The following HSD17B4 variants were observed in gnomAD, a reference collection of about 807,000 sequenced individuals.
HSD17B4 encodes hydroxysteroid 17-beta dehydrogenase 4, also known as peroxisomal multifunctional enzyme type 2.
HSD17B4 carries 70 observed loss-of-function variants against 101.0 expected under a neutral mutation model. The ratio of observed to expected loss-of-function variants is 0.69; its 90% CI spans 0.57 to 0.85. The LOEUF (loss-of-function observed/expected upper bound fraction) is 0.85. HSD17B4 is among the 40% of genes least tolerant of loss of function. HSD17B4 has a pLI of 0.00. For missense variants in HSD17B4, 984 were observed against 892.4 expected, an observed-to-expected ratio of 1.10 and a Z score of -1.31; for synonymous variants, 347 against 297.1, an observed-to-expected ratio of 1.17 and a Z score of -1.73.
At chr5:119,498,272 G>A (rs532456968) in intron 12 of HSD17B4, among the ~76,000 whole-genome samples, 12 of 152,154 alleles carry the variant, frequency 7.9e-5, no homozygotes, top group Non-Finnish European at 1.5e-4. Context: ...CAAAATAAGG[G>A]TTGGCAAACC....
intron 2 of HSD17B4, chr5:119,456,718 A>T: frequency 3.6e-6 from 1 of 281,332 alleles, no homozygotes; most frequent in Non-Finnish European, 6.8e-6. Context: ...CTGCACTCCA[A>T]TCTGGGTGAT....
At chr5:119,465,803 G>A (rs922930241) in intron 2 of HSD17B4, among the ~76,000 whole-genome samples, 1 of 152,208 alleles carries the variant, frequency 6.6e-6, no homozygotes, top group Non-Finnish European at 1.5e-5. Context: ...TTTTAATTTG[G>A]ATGCCCTTTG....
chr5:119,503,661 T>C (rs1458588483), intron 14 of HSD17B4, among the ~76,000 whole-genome samples: 1 of 151,834 alleles, frequency 6.6e-6, no homozygotes, highest in Non-Finnish European at 1.5e-5. Context: ...AGTGGTAGTG[T>C]CATAGGCTGA....
At chr5:119,466,806 A>C (rs2126654502) in intron 2 of HSD17B4, among the ~76,000 whole-genome samples, 1 of 151,782 alleles carries the variant, frequency 6.6e-6, no homozygotes, top group Non-Finnish European at 1.5e-5. Context: ...GATCTTTATT[A>C]ATTCTATCTA....
chr5:119,515,703 T>G (rs1345384017), intron 17 of HSD17B4, among the ~76,000 whole-genome samples: 1 of 152,206 alleles, frequency 6.6e-6, no homozygotes, highest in Non-Finnish European at 1.5e-5. Flanking sequence ...TTCTCTAAGA[T>G]GGCTAGTAGA....
In HSD17B4 at chr5:119,523,428, A is replaced by G. The variant is rs900819364; in HGVS notation, c.1504-1788A>G. Among the ~76,000 whole-genome samples, 4 of 152,180 alleles carry G rather than the reference A, an allele frequency of 2.6e-5. No homozygotes were observed. The East Asian group carries it at 5.8e-4, about 22-fold the overall frequency. On this transcript the variant is annotated intron_variant, in intron 17 of 23. Coordinates refer to ENST00000510025, the MANE Select transcript of HSD17B4 (RefSeq NM_000414.4). ...CTGAAATATGCCATTTCTTCAAAAT[A>G]CGTAGAAGATAAGCTTTGGCAGTGG...
chr5:119,455,542 T>G (rs1243568334), intron 1 of HSD17B4, among the ~76,000 whole-genome samples: 1 of 139,332 alleles, frequency 7.2e-6, no homozygotes. Context: ...AAGCAAAACT[T>G]TCTCTCTCTC....
In HSD17B4 at chr5:119,462,248, A is replaced by ATTTTTTTTTTTTTTTTT. The variant is rs10524491; in HGVS notation, c.112+5899_112+5915dup. ...TTCATATCCTCCCCCAACAAATGTG[A>ATTTTTTTTTTTTTTTTT]TTTTTTTTTTTTTTTTTTTTTTTTT... On this transcript the variant is annotated intron_variant, in intron 2 of 23. Transcript: ENST00000510025. 1.0e-4 allele frequency among the ~76,000 whole-genome samples: 3 copies of ATTTTTTTTTTTTTTTTT among 30,040 alleles called. 1 individual carries two copies. The highest frequency in any genetic ancestry group is 2.4e-4 in the Non-Finnish European group (3 of 12,652). 19.7% of individuals were successfully genotyped at this position (30,040 alleles called of 152,430 possible). A position where few individuals can be genotyped will look rare whatever the true frequency, so the allele number is the denominator to read the frequency against.
In HSD17B4 at chr5:119,529,899, A is replaced by G. The variant is rs752533944; in HGVS notation, c.1773A>G (p.Gln591=). The G allele has an allele frequency of 2.5e-6, 4 of 1,597,152 alleles. No individual in the cohort carries two copies. The highest frequency in any genetic ancestry group is 1.3e-5 in the African/African-American group (1 of 74,612). ...TTTTTTCTTCTCCTCCTAAGGTCCAAGAAACTGGAGACATTGTCATTTCAA... is the reference window on the plus strand; with the variant it reads ...TTTTTTCTTCTCCTCCTAAGGTCCAGGAAACTGGAGACATTGTCATTTCAA... ...GNRIHFQTKV[Q]ETGDIVISNA... Residue 591 remains glutamine (Q), a synonymous_variant, in exon 21 of 24, where the codon CAA becomes CAG. Coordinates refer to ENST00000510025, the MANE Select transcript of HSD17B4 (RefSeq NM_000414.4).
At chr5:119,537,076 A>G (rs1754603865) in intron 23 of HSD17B4, among the ~76,000 whole-genome samples, 1 of 152,156 alleles carries the variant, frequency 6.6e-6, no homozygotes, top group Non-Finnish European at 1.5e-5. Flanking sequence ...ATGGAGGAGA[A>G]AAATTTGTTA....
chr5:119,533,766 C>T (rs535215974), intron 22 of HSD17B4, among the ~76,000 whole-genome samples: 10 of 152,098 alleles, frequency 6.6e-5, no homozygotes, highest in South Asian at 6.2e-4. Context: ...GAACCAAGAA[C>T]GTTGGCTTCA....
intron 2 of HSD17B4, among the ~76,000 whole-genome samples, chr5:119,473,225 A>C (rs1748170730): frequency 6.7e-6 from 1 of 148,676 alleles, no homozygotes; most frequent in Admixed American, 6.7e-5. Flanking sequence ...TTTAATCTTA[A>C]AGCGATTTTC....
intron 22 of HSD17B4, 69 bp downstream of exon 22, chr5:119,531,473 T>A (rs1580712004): frequency 6.8e-7 from 1 of 1,470,864 alleles, no homozygotes; most frequent in East Asian, 2.4e-5. Context: ...TTTTTAACAA[T>A]TAAAGACCTT....
intron 12 of HSD17B4, among the ~76,000 whole-genome samples, chr5:119,498,114 A>G (rs1750817015): frequency 6.6e-6 from 1 of 152,236 alleles, no homozygotes; most frequent in Non-Finnish European, 1.5e-5. Context: ...TTCTTAAAAA[A>G]ACTGTACTGG....
At chr5:119,460,911 A>C (rs916847817) in intron 2 of HSD17B4, among the ~76,000 whole-genome samples, 4 of 152,212 alleles carry the variant, frequency 2.6e-5, no homozygotes, top group Non-Finnish European at 4.4e-5. Flanking sequence ...CTGGCAGAAG[A>C]AGCAGCTGAA....
At chr5:119,487,390 C>T (rs1156609047) in intron 8 of HSD17B4, 1 of 151,788 alleles carries the variant, frequency 6.6e-6, no homozygotes, top group Non-Finnish European at 1.5e-5. Context: ...GTGGAAGAAA[C>T]ACTGGGTTGA....
intron 16 of HSD17B4, 115 bp from the exon 17 acceptor site, chr5:119,514,866 T>C: frequency 2.8e-6 from 2 of 725,314 alleles, no homozygotes; most frequent in Non-Finnish European, 5.0e-6. Flanking sequence ...AACCCTTTTA[T>C]CCAATTTGCA....
At chr5:119,535,196 A>G (rs1390498978) in intron 22 of HSD17B4, among the ~76,000 whole-genome samples, 1 of 152,090 alleles carries the variant, frequency 6.6e-6, no homozygotes, top group Non-Finnish European at 1.5e-5. Context: ...AAGAACAAAG[A>G]CATTCTCTTA....
At chr5:119,534,829 C>G (rs553705475) in intron 22 of HSD17B4, among the ~76,000 whole-genome samples, 1 of 152,112 alleles carries the variant, frequency 6.6e-6, no homozygotes, top group East Asian at 1.9e-4. Context: ...TGTTTCTTCT[C>G]TTACTAACAG....
Sources: gnomAD v4.1 joint callset for allele counts (sites outside exome capture counted in the v4.1 genomes callset) on GRCh38, gnomAD v4.1.1 for gene constraint, MANE v1.5 for transcripts, NCBI Gene and HGNC (gene_info 2026-07-23, HGNC 2026-07-21) for gene names.